Variants in TKT observed in about 807,000 individuals in gnomAD.
TKT encodes the protein epididymis luminal protein 107.
Under a neutral mutation model 63.9 loss-of-function variants are expected in TKT, and 47 were observed. The observed-to-expected ratio is 0.74, with a 90% CI of 0.58 to 0.94. The LOEUF is 0.94. Ranked by LOEUF, TKT falls within the 40% of genes least tolerant of loss-of-function variation. TKT has a pLI of 0.00. For missense variants in TKT, 721 were observed against 846.2 expected (o/e 0.85, Z 1.84); for synonymous variants, 338 against 334.1 (o/e 1.01, Z -0.13).
intron 6 of TKT, chr3:53,232,529 A>G: frequency 2.5e-6 from 1 of 398,692 alleles, no homozygotes; most frequent in Non-Finnish European, 4.4e-6. Context: ...CAAGTCCCTG[A>G]CCACTTGTAG....
At chr3:53,236,032 G>A (rs970910816) in intron 4 of TKT, among the ~76,000 whole-genome samples, 1 of 76,534 alleles carries the variant, frequency 1.3e-5, no homozygotes, top group Non-Finnish European at 3.2e-5. Flanking sequence ...AAGTTGCTGA[G>A]CCAGGATTCA....
At chr3:53,236,207 G>A (rs1272044602) in intron 4 of TKT, among the ~76,000 whole-genome samples, 1 of 152,202 alleles carries the variant, frequency 6.6e-6, no homozygotes, top group Non-Finnish European at 1.5e-5. Context: ...GAGGGGACAT[G>A]GCTGCCCTCC....
chr3:53,253,513 G>A (rs782712353), intron 1 of TKT, among the ~76,000 whole-genome samples: 6 of 152,206 alleles, frequency 3.9e-5, no homozygotes, highest in South Asian at 2.1e-4. Context: ...GTTCACACTC[G>A]TAATCCCAGC....
At position 53,225,584 on chromosome 3, in the gene TKT, C is replaced by T. The variant is rs936606389; in HGVS notation, c.*172G>A. The T allele has an allele frequency of 4.4e-5, 35 of 793,502 alleles. No homozygotes were observed. The highest frequency in any genetic ancestry group is 4.9e-5 in the Non-Finnish European group (26 of 532,502). 49.2% of individuals were successfully genotyped at this position (793,502 alleles called of 1,614,324 possible). A position where few individuals can be genotyped will look rare whatever the true frequency, so the allele number is the denominator to read the frequency against. On this transcript the variant is annotated 3_prime_UTR_variant, in exon 14 of 14. Transcript: ENST00000462138. The stretch of plus-strand genomic sequence containing the variant: ...ACCAGCCTCCCTAGCGCACCCTCCA[C>T]GCTTCTTCCCCAGAACCTGCACTGG...
At chr3:53,228,836 T>G (rs1575559573) in intron 10 of TKT, 171 bp downstream of exon 10, 1 of 897,014 alleles carries the variant, frequency 1.1e-6, no homozygotes, top group Non-Finnish European at 1.7e-6. Context: ...TGGCAGTAAG[T>G]GGGGTGTGTA....
intron 13 of TKT, chr3:53,226,434 T>C (rs370422343): frequency 1.5e-5 from 5 of 341,810 alleles, no homozygotes; most frequent in South Asian, 6.4e-5. Context: ...AAATTCTGCA[T>C]TGCTTCCCAA....
At chr3:53,232,673 C>G (rs1553677434) in intron 6 of TKT, 1 of 398,186 alleles carries the variant, frequency 2.5e-6, no homozygotes, top group Non-Finnish European at 4.4e-6. Context: ...TCCAAACCCC[C>G]CAAGGCTCTT....
At chr3:53,253,007 T>A (rs1705826851) in intron 1 of TKT, among the ~76,000 whole-genome samples, 1 of 152,032 alleles carries the variant, frequency 6.6e-6, no homozygotes, top group South Asian at 2.1e-4. Context: ...GTCCAGCTAA[T>A]TTTTTGTATT....
intron 1 of TKT, among the ~76,000 whole-genome samples, chr3:53,244,885 C>CAAAA (rs11297416): frequency 8.5e-6 from 1 of 117,388 alleles, no homozygotes. Context: ...CTTGACTGTT[C>CAAAA]AAAAAAAAAA....
intron 13 of TKT, 157 bp from the exon 14 acceptor site, chr3:53,226,088 T>G: frequency 1.6e-6 from 1 of 641,394 alleles, no homozygotes; most frequent in Admixed American, 3.5e-5. Context: ...CATTGATTTT[T>G]TTTATTTTAA....
intron 1 of TKT, among the ~76,000 whole-genome samples, chr3:53,254,216 G>C (rs1004539992): frequency 1.3e-5 from 2 of 152,190 alleles, no homozygotes; most frequent in Non-Finnish European, 2.9e-5. Flanking sequence ...CAGACCCCCT[G>C]AAACGGCCAA....
intron 1 of TKT, among the ~76,000 whole-genome samples, chr3:53,246,979 T>G (rs1479505894): frequency 6.6e-6 from 1 of 152,128 alleles, no homozygotes; most frequent in Non-Finnish European, 1.5e-5. Flanking sequence ...TGTAATGTAC[T>G]AGTTCTTAAT....
intron 6 of TKT, chr3:53,231,900 G>A (rs1704781448): frequency 3.1e-6 from 1 of 320,540 alleles, no homozygotes; most frequent in East Asian, 5.7e-5. Flanking sequence ...CCGCCTGCAG[G>A]GTCACACACA....
intron 1 of TKT, among the ~76,000 whole-genome samples, chr3:53,246,588 C>CAAGCCT (rs1416149185): frequency 6.6e-6 from 1 of 152,148 alleles, no homozygotes; most frequent in African/African-American, 2.4e-5. Flanking sequence ...TGCGGTGGCT[C>CAAGCCT]AAGCCTGTAA....
intron 12 of TKT, chr3:53,227,275 CCACGTGCGGCCCCAGCAGCAGAGGCA>C (rs778302218): frequency 1.5e-5 from 1 of 65,160 alleles, no homozygotes; most frequent in Non-Finnish European, 3.9e-5. Context: ...GATCAGAGGC[CCACGTGCGGCCCCAGCAGCAGAGGCA>C]CCTTCTCAGA....
At chr3:53,255,180 A>C (rs2106741571) in intron 1 of TKT, among the ~76,000 whole-genome samples, 1 of 152,302 alleles carries the variant, frequency 6.6e-6, no homozygotes, top group Admixed American at 6.5e-5. Flanking sequence ...CTGGCGTCTC[A>C]GCAGCCCCCT....
At chr3:53,241,749 C>A in intron 2 of TKT, 1 of 295,430 alleles carries the variant, frequency 3.4e-6, no homozygotes, top group Non-Finnish European at 6.7e-6. Flanking sequence ...GCCTCGGGAG[C>A]GCTGGCACAA....
intron 1 of TKT, chr3:53,243,506 A>T: frequency 2.2e-6 from 1 of 452,522 alleles, no homozygotes; most frequent in Admixed American, 2.4e-5. Flanking sequence ...CAGACAAGTT[A>T]GTAGTAGAGA....
intron 13 of TKT, 180 bp from the exon 14 acceptor site, chr3:53,226,111 G>A (rs1704489433): frequency 1.8e-6 from 1 of 545,126 alleles, no homozygotes; most frequent in Non-Finnish European, 3.1e-6. Flanking sequence ...AGACAGACAG[G>A]TATCACCATG....
Sources: allele counts gnomAD v4.1 joint callset (sites outside exome capture counted in the v4.1 genomes callset), GRCh38; gene constraint gnomAD v4.1.1; transcripts MANE v1.5; gene names NCBI Gene and HGNC (gene_info 2026-07-23, HGNC 2026-07-21).